Variants in CSF3R observed in about 807,000 individuals in gnomAD.
The protein encoded by CSF3R is colony stimulating factor 3 receptor, also known as granulocyte colony-stimulating factor receptor.
A neutral mutation model predicts 84.4 loss-of-function variants in CSF3R; 52 were observed. The ratio of observed to expected loss-of-function variants is 0.62; its 90% CI spans 0.49 to 0.78. CSF3R has a LOEUF of 0.78. Ranked by LOEUF, CSF3R falls within the 30% of genes least tolerant of loss-of-function variation. CSF3R has a pLI of 0.00. For synonymous variants in CSF3R, 384 were observed against 429.1 expected (o/e 0.89, Z 1.30); for missense variants, 890 against 1,055.7 (o/e 0.84, Z 2.17).
chr1:36,482,907 G>A lies in CSF3R; in HGVS notation c.-177C>T, dbSNP rs112420786. Reference sequence around the variant, plus strand: ...CAGCTGCAGTCCAGCTTCTCTCCCCGAGCTCTGTCGTTAATGGCTCAGCCT... The same window carrying A: ...CAGCTGCAGTCCAGCTTCTCTCCCCAAGCTCTGTCGTTAATGGCTCAGCCT... On this transcript the variant is annotated 5_prime_UTR_variant, in exon 1 of 17. Transcript: ENST00000373106. 4 of 152,364 alleles carry A rather than the reference G, an allele frequency of 2.6e-5. No individual in the cohort carries two copies. The highest frequency in any genetic ancestry group is 9.6e-5 in the African/African-American group (4 of 41,566). 9.4% of individuals were successfully genotyped at this position (152,364 alleles called of 1,614,324 possible). A position where few individuals can be genotyped will look rare whatever the true frequency, so the allele number is the denominator to read the frequency against.
Position 36,467,301 on chromosome 1 carries a change from G to C in CSF3R, c.1969C>G (p.Pro657Ala). ...GGGTCTGGGACACTTGGCCAGAGGG[G>C]ATTCTTCCTGCTGGAGAAGGGGGCA... Reference protein sequence around the residue: ...WLCCSPNRKNPLWPSVPDPAH... With the variant: ...WLCCSPNRKNALWPSVPDPAH... Residue 657 changes from proline to alanine, a missense_variant, in exon 16 of 17, where the codon CCC becomes GCC. Pro to Ala is a conservative substitution (Grantham distance 27). Coordinates refer to ENST00000373106, the MANE Select transcript of CSF3R (RefSeq NM_000760.4). This position sits in a 1 kb window ranked among gnomAD's most constrained non-coding sequence, Gnocchi z 4.1. 1 of 1,614,212 alleles carries C rather than the reference G, an allele frequency of 6.2e-7. No homozygotes were observed. The highest frequency in any genetic ancestry group is 8.5e-7 in the Non-Finnish European group (1 of 1,180,020).
rs374780980 is a variant in CSF3R at position 36,466,417 on chromosome 1, G to A, written c.2451C>T (p.Leu817=). The A allele has an allele frequency of 6.1e-5, 98 of 1,613,560 alleles. No individual in the cohort carries two copies. The highest frequency in any genetic ancestry group is 8.1e-5 in the Non-Finnish European group (96 of 1,179,986). ...QEDDCVFGPL[L]NFPLLQGIRV... ...GGATCCCCTGCAGGAGGGGGAAGTT[G>A]AGCAGTGGCCCAAAGACACAGTCGT... The change falls in exon 17 of 17, where the codon CTC becomes CTT. Residue 817 remains leucine, a synonymous_variant. Transcript: ENST00000373106. The surrounding 1 kb of genome is among the most constrained non-coding windows in gnomAD (Gnocchi z 4.6).
chr1:36,468,717 T>C (rs1650508920), intron 12 of CSF3R: 1 of 228,272 alleles, frequency 4.4e-6, no homozygotes, highest in African/African-American at 2.3e-5. Flanking sequence ...TTTTGGTTTG[T>C]TTGTTTGTTT....
rs1557587773 is a variant in CSF3R at position 36,467,899 on chromosome 1, TAC to T, written c.1785_1786del (p.Tyr596SerfsTer107). 1.9e-6 allele frequency: 3 copies of T among 1,614,226 alleles called. No individual in the cohort carries two copies. The highest frequency in any genetic ancestry group is 3.3e-4 in the Middle Eastern group (2 of 6,062). On this transcript the variant is annotated frameshift_variant, in exon 14 of 17. Coordinates refer to ENST00000373106, the MANE Select transcript of CSF3R (RefSeq NM_000760.4). LOFTEE classifies it high-confidence loss of function. This position sits in a 1 kb window ranked among gnomAD's most constrained non-coding sequence, Gnocchi z 4.1. Reference sequence around the variant, plus strand: ...GCTGGCAGCCATGAGGTGGATGTGATACAGACTGGCGGGCTCCAGGCCATGGA... The same window carrying T: ...GCTGGCAGCCATGAGGTGGATGTGATAGACTGGCGGGCTCCAGGCCATGGA...
chr1:36,468,575 C>A (rs1387559121), intron 12 of CSF3R: 1 of 223,622 alleles, frequency 4.5e-6, no homozygotes, highest in African/African-American at 2.3e-5. Context: ...GCTCTGTCAC[C>A]CAGGCTGGAG....
chr1:36,466,646 T>C lies in CSF3R; in HGVS notation c.2222A>G (p.Gln741Arg), dbSNP rs778508428. 1.6e-5 allele frequency: 26 copies of C among 1,614,068 alleles called. No homozygotes were observed. The highest frequency in any genetic ancestry group is 2.2e-5 in the Non-Finnish European group (26 of 1,179,966). Residue 741 changes from glutamine (Q) to arginine (R), a missense_variant, in exon 17 of 17, where the codon CAA (glutamine) becomes CGA (arginine). Transcript: ENST00000373106. The surrounding 1 kb of genome is among the most constrained non-coding windows in gnomAD (Gnocchi z 4.6). ...GDPRAVSTQP[Q>R]SQSGTSDQVL... The stretch of plus-strand genomic sequence containing the variant: ...CTGATCGCTGGTGCCAGACTGGGAT[T>C]GGGGCTGGGTGGAAACTGCTCTTGG...
intron 10 of CSF3R, 147 bp downstream of exon 10, chr1:36,471,286 A>G: frequency 2.4e-6 from 2 of 817,690 alleles, no homozygotes; most frequent in Non-Finnish European, 4.2e-6. Flanking sequence ...ACCTCGGATG[A>G]TCTGCCCACC....
In CSF3R at chr1:36,471,604, C is replaced by T. The variant is rs1033356308; in HGVS notation, c.1114G>A (p.Val372Met). 6.2e-7 allele frequency: 1 copy of T among 1,614,248 alleles called. No homozygotes were observed. Among genetic ancestry groups the T allele is most frequent in the Non-Finnish European group, 8.5e-7 (1 of 1,180,046 alleles). Reference sequence around the variant, plus strand: ...TGGCCTGAGGGTCTCCAAGAAACCACATAACCTTGGATCCGTCCGCTGTCT... The same window carrying T: ...TGGCCTGAGGGTCTCCAAGAAACCATATAACCTTGGATCCGTCCGCTGTCT... ...EEDSGRIQGY[V>M]VSWRPSGQAG... is the part of the protein sequence containing the mutation. The change falls in exon 10 of 17, where the codon GTG becomes ATG. Residue 372 changes from valine (V) to methionine (M), a missense_variant. Val to Met is a conservative substitution (Grantham distance 21). Coordinates refer to ENST00000373106, the MANE Select transcript of CSF3R (RefSeq NM_000760.4).
chr1:36,474,480 A>C (rs909656312), intron 4 of CSF3R, among the ~76,000 whole-genome samples: 1 of 135,882 alleles, frequency 7.4e-6, no homozygotes, highest in East Asian at 2.2e-4. Flanking sequence ...TCACTCGGCT[A>C]ATTTTTGTAT....
chr1:36,466,635 C>A lies in CSF3R; in HGVS notation c.2233G>T (p.Gly745Cys). ...CCATAAAGGACCTGATCGCTGGTGC[C>A]AGACTGGGATTGGGGCTGGGTGGAA... is the stretch of plus-strand genomic sequence containing the variant. Reference protein sequence around the residue: ...AVSTQPQSQSGTSDQVLYGQL... With the variant: ...AVSTQPQSQSCTSDQVLYGQL... Residue 745 changes from glycine to cysteine, a missense_variant, in exon 17 of 17, where the codon GGC (glycine) becomes TGC (cysteine). Coordinates refer to ENST00000373106, the MANE Select transcript of CSF3R (RefSeq NM_000760.4). The surrounding 1 kb of genome is among the most constrained non-coding windows in gnomAD (Gnocchi z 4.6). 6.2e-7 allele frequency: 1 copy of A among 1,614,114 alleles called. No homozygotes were observed. The highest frequency in any genetic ancestry group is 8.5e-7 in the Non-Finnish European group (1 of 1,179,972).
In CSF3R at chr1:36,475,503, AC is replaced by A; in HGVS notation, c.234del (p.Ser79LeufsTer25). The part of the protein sequence containing the change: ...ELQPGGRQQR[L>X]SDGTQESIIT... Reference sequence around the variant, plus strand: ...ATGATAGATTCCTGGGTCCCATCAGACAGACGCTGCTGCCTGCCCCCGGGCT... The same window carrying A: ...ATGATAGATTCCTGGGTCCCATCAGAAGACGCTGCTGCCTGCCCCCGGGCT... On this transcript the variant is annotated frameshift_variant, in exon 4 of 17. Coordinates refer to ENST00000373106, the MANE Select transcript of CSF3R (RefSeq NM_000760.4). LOFTEE classifies it high-confidence loss of function. The A allele has an allele frequency of 6.2e-7, 1 of 1,614,056 alleles. No individual in the cohort carries two copies. Among genetic ancestry groups the A allele is most frequent in the Admixed American group, 1.7e-5 (1 of 60,020 alleles).
chr1:36,471,795 C>T, intron 9 of CSF3R, 149 bp from the exon 10 acceptor site: 1 of 801,858 alleles, frequency 1.2e-6, no homozygotes, highest in Non-Finnish European at 2.0e-6. Context: ...TCCCTCTGTT[C>T]CCTTGTGCTA....
intron 3 of CSF3R, among the ~76,000 whole-genome samples, chr1:36,478,560 G>T (rs936404382): frequency 2.0e-5 from 3 of 151,436 alleles, no homozygotes; most frequent in African/African-American, 7.3e-5. Flanking sequence ...CAAAAAACAT[G>T]CAATAGGCAG....
chr1:36,472,350 G>A lies in CSF3R; in HGVS notation c.885C>T (p.Cys295=), dbSNP rs747273831. ...TGTAGGCCGTGGCTGGGAGGAGCCC[G>A]CAGAGCTCATACTGAAGGGCCTCCA... ...LPLEALQYEL[C]GLLPATAYTL... The change falls in exon 8 of 17, where the codon TGC becomes TGT. Residue 295 remains cysteine (C), a synonymous_variant. Transcript: ENST00000373106. The surrounding 1 kb of genome is among the most constrained non-coding windows in gnomAD (Gnocchi z 5.0). 25 of 1,613,980 alleles carry A rather than the reference G, an allele frequency of 1.5e-5. No individual in the cohort carries two copies. In the African/African-American group the frequency reaches 2.0e-4, roughly 13 times the overall value.
chr1:36,469,214 G>A lies in CSF3R; in HGVS notation c.1518C>T (p.Pro506=), dbSNP rs34574943. Residue 506 remains proline, a synonymous_variant, in exon 12 of 17, where the codon CCC becomes CCT. Transcript: ENST00000373106. Reference sequence around the variant, plus strand: ...AGGGTCCCATGGTGTCCTGGTACAAGGGAGTCACGATGATCTCATAGAGCT... The same window carrying A: ...AGGGTCCCATGGTGTCCTGGTACAAAGGAGTCACGATGATCTCATAGAGCT... ...PFQLYEIIVT[P]LYQDTMGPSQ... is the part of the protein sequence containing the mutation. 59 of 1,614,126 alleles carry A rather than the reference G, an allele frequency of 3.7e-5. No individual in the cohort carries two copies. The African/African-American group carries it at 7.5e-4, about 20-fold the overall frequency.
chr1:36,481,902 T>G (rs1651542422), intron 1 of CSF3R: 1 of 152,516 alleles, frequency 6.6e-6, no homozygotes, highest in African/African-American at 2.4e-5. Flanking sequence ...CTGCAGGTGC[T>G]CACTCCTGTG....
intron 3 of CSF3R, 96 bp downstream of exon 3, chr1:36,479,337 G>A (rs1651374833): frequency 2.5e-6 from 3 of 1,222,554 alleles, no homozygotes; most frequent in Middle Eastern, 4.7e-4. Flanking sequence ...GATTCTCTGG[G>A]AATCCCAGGA....
chr1:36,472,469 C>A lies in CSF3R; in HGVS notation c.843+48G>T. 2 of 1,613,738 alleles carry A rather than the reference C, an allele frequency of 1.2e-6. No individual in the cohort carries two copies. Among genetic ancestry groups the A allele is most frequent in the Non-Finnish European group, 1.7e-6 (2 of 1,179,788 alleles). On this transcript the variant is annotated intron_variant, in intron 7 of 16. Coordinates refer to ENST00000373106, the MANE Select transcript of CSF3R (RefSeq NM_000760.4). This position sits in a 1 kb window ranked among gnomAD's most constrained non-coding sequence, Gnocchi z 5.0. ...GCCAGCTCGAGCCCGACTTACCCTG[C>A]CCCCTGCCCCCACCACCTCAGGCTC... is the stretch of plus-strand genomic sequence containing the variant.
rs768311283 is a variant in CSF3R, at chr1:36,467,637, G to A, written c.1879C>T (p.His627Tyr). ...AGGCCGAACAGGCCCAGGATGATGTGTAGCTCCGACCCCTCTGCAGTGAGG... is the reference window on the plus strand; with the variant it reads ...AGGCCGAACAGGCCCAGGATGATGTATAGCTCCGACCCCTCTGCAGTGAGG... ...MTLTPEGSEL[H>Y]IILGLFGLLL... Residue 627 changes from histidine to tyrosine, a missense_variant, in exon 15 of 17, where the codon CAC (histidine) becomes TAC (tyrosine). Transcript: ENST00000373106. The surrounding 1 kb of genome is among the most constrained non-coding windows in gnomAD (Gnocchi z 4.1). 3.1e-6 allele frequency: 5 copies of A among 1,614,210 alleles called. No individual in the cohort carries two copies. The East Asian group carries it at 1.1e-4, about 36-fold the overall frequency.
Sources: gnomAD v4.1 joint callset for allele counts (sites outside exome capture counted in the v4.1 genomes callset) on GRCh38, gnomAD v4.1.1 for gene constraint, Gnocchi (gnomAD v3.1) non-coding constraint, MANE v1.5 for transcripts, NCBI Gene and HGNC (gene_info 2026-07-23, HGNC 2026-07-21) for gene names.